Variants in CNTN5 observed in about 807,000 individuals in gnomAD.
The protein encoded by CNTN5 is contactin-5.
Under a neutral mutation model 129.1 loss-of-function variants are expected in CNTN5, and 77 were observed. The ratio of observed to expected loss-of-function variants is 0.60; its 90% CI spans 0.50 to 0.72. The LOEUF (loss-of-function observed/expected upper bound fraction) is 0.72, where lower values mean the gene tolerates loss of function less well. CNTN5 is among the 30% of genes least tolerant of loss of function. The pLI, the probability that CNTN5 is intolerant of heterozygous loss-of-function variation, is 0.00. For missense variants in CNTN5, 1,478 were observed against 1,328.8 expected (o/e 1.11, Z -1.75); for synonymous variants, 509 against 465.6 (o/e 1.09, Z -1.20).
At chr11:99,958,200 G>T (rs983749092) in intron 8 of CNTN5, among the ~76,000 whole-genome samples, 12 of 152,146 alleles carry the variant, frequency 7.9e-5, no homozygotes, top group African/African-American at 4.8e-5. Context: ...AAACTAATCC[G>T]CCAAGAGGCG....
At chr11:99,900,810 G>A (rs1949336855) in intron 6 of CNTN5, among the ~76,000 whole-genome samples, 1 of 152,064 alleles carries the variant, frequency 6.6e-6, no homozygotes, top group Non-Finnish European at 1.5e-5. Flanking sequence ...AGTGTTGTTA[G>A]CTAGTTGTTT....
At chr11:99,840,580 G>GT (rs1200621965) in intron 4 of CNTN5, among the ~76,000 whole-genome samples, 1 of 151,896 alleles carries the variant, frequency 6.6e-6, no homozygotes, top group East Asian at 1.9e-4. Context: ...CACTGACGTT[G>GT]TATGTTCAGC....
At chr11:100,316,931 G>T (rs1355177473) in intron 21 of CNTN5, among the ~76,000 whole-genome samples, 4 of 152,158 alleles carry the variant, frequency 2.6e-5, no homozygotes, top group Admixed American at 2.0e-4. Flanking sequence ...AAAACAGCTT[G>T]TCCCATTTTA....
At chr11:99,188,873 CT>C (rs1158393484) in intron 1 of CNTN5, among the ~76,000 whole-genome samples, 1 of 151,688 alleles carries the variant, frequency 6.6e-6, no homozygotes, top group Non-Finnish European at 1.5e-5. Flanking sequence ...GTTTTCTACT[CT>C]CTTAGGAATT....
chr11:99,310,751 A>G (rs1865076134), intron 1 of CNTN5, among the ~76,000 whole-genome samples: 1 of 152,154 alleles, frequency 6.6e-6, no homozygotes, highest in Admixed American at 6.6e-5. Context: ...TCTTAAATTA[A>G]TATAAATGAA....
chr11:99,740,083 G>T (rs1321509344), intron 3 of CNTN5, among the ~76,000 whole-genome samples: 1 of 152,064 alleles, frequency 6.6e-6, no homozygotes, highest in Non-Finnish European at 1.5e-5. Flanking sequence ...AGTATAATTA[G>T]TTCAGATTTA....
At chr11:99,112,526 G>A (rs535662029) in intron 1 of CNTN5, among the ~76,000 whole-genome samples, 6 of 152,010 alleles carry the variant, frequency 3.9e-5, no homozygotes, top group Non-Finnish European at 8.8e-5. Flanking sequence ...GATTGTGAAT[G>A]CACACGTTTC....
intron 2 of CNTN5, among the ~76,000 whole-genome samples, chr11:99,447,727 C>A (rs560487800): frequency 6.6e-6 from 1 of 152,250 alleles, no homozygotes; most frequent in East Asian, 1.9e-4. Flanking sequence ...GAGTTCGAGA[C>A]CAGCCTGGCC....
In CNTN5 at chr11:99,060,934, T is replaced by TC. The variant is rs199808823; in HGVS notation, c.-210+39665dup. ...TCCTGACTCATGTCTTCCCAATACC[T>TC]CACACAGTATTCCTACTATTCTAAT... On this transcript the variant is annotated intron_variant, in intron 1 of 24. Coordinates refer to ENST00000524871, the MANE Select transcript of CNTN5 (RefSeq NM_014361.4). Among the ~76,000 whole-genome samples, 1,299 of 152,224 alleles carry TC rather than the reference T, an allele frequency of 8.5e-3. 20 individuals are homozygous for TC. Among genetic ancestry groups the TC allele is most frequent in the African/African-American group, 0.03 (1,248 of 41,544 alleles).
rs1426162404 is a variant in CNTN5, at chr11:99,296,044, C to T, written c.-209-29302C>T. Among the ~76,000 whole-genome samples the T allele has an allele frequency of 5.3e-5, 8 of 152,178 alleles. No individual in the cohort carries two copies. In the East Asian group the frequency reaches 1.4e-3, roughly 26 times the overall value. ...AAAATTCTTCACAAATGAAAGTATA[C>T]CCTATAAGTGCACTTAATAGGCCCC... On this transcript the variant is annotated intron_variant, in intron 1 of 24. Transcript: ENST00000524871.
chr11:99,227,579 A>C (rs1041495048), intron 1 of CNTN5, among the ~76,000 whole-genome samples: 3 of 152,138 alleles, frequency 2.0e-5, no homozygotes, highest in Admixed American at 2.0e-4. Flanking sequence ...TTTCTGAACA[A>C]TTTTATATAC....
intron 9 of CNTN5, among the ~76,000 whole-genome samples, chr11:100,059,547 C>T (rs1397096633): frequency 6.6e-6 from 1 of 151,974 alleles, no homozygotes; most frequent in African/African-American, 2.4e-5. Flanking sequence ...CATAAGCAAA[C>T]ATTTCACAGA....
intron 3 of CNTN5, among the ~76,000 whole-genome samples, chr11:99,644,716 C>A (rs1354522649): frequency 6.6e-6 from 1 of 152,076 alleles, no homozygotes; most frequent in Admixed American, 6.5e-5. Flanking sequence ...AGCAACTGAG[C>A]AAAGCACTAC....
intron 1 of CNTN5, among the ~76,000 whole-genome samples, chr11:99,263,566 G>A (rs1219529596): frequency 1.3e-5 from 2 of 151,908 alleles, no homozygotes; most frequent in Non-Finnish European, 2.9e-5. Flanking sequence ...AGATAAAGTT[G>A]GTTCAAAATT....
chr11:99,664,715 A>G (rs1033663843), intron 3 of CNTN5, among the ~76,000 whole-genome samples: 4 of 152,204 alleles, frequency 2.6e-5, no homozygotes. Flanking sequence ...TATTTAGTCA[A>G]TGCCCAAATG....
At chr11:99,086,368 A>G (rs11218356) in intron 1 of CNTN5, among the ~76,000 whole-genome samples, 4,958 of 152,266 alleles carry the variant, frequency 0.033, 263 homozygotes, top group African/African-American at 0.11. Flanking sequence ...AAAGAGGTTT[A>G]ATTGGCTTAT....
intron 1 of CNTN5, among the ~76,000 whole-genome samples, chr11:99,099,749 A>T (rs1866635311): frequency 6.6e-6 from 1 of 152,156 alleles, no homozygotes; most frequent in Non-Finnish European, 1.5e-5. Context: ...GCCTTTCCTA[A>T]ATCATAAGGT....
chr11:99,889,185 A>G (rs1948980478), intron 6 of CNTN5, among the ~76,000 whole-genome samples: 1 of 152,156 alleles, frequency 6.6e-6, no homozygotes, highest in South Asian at 2.1e-4. Context: ...AAACATACAT[A>G]TATGGGCATT....
At chr11:99,437,290 G>T (rs1424155111) in intron 2 of CNTN5, among the ~76,000 whole-genome samples, 2 of 152,118 alleles carry the variant, frequency 1.3e-5, no homozygotes, top group Non-Finnish European at 2.9e-5. Flanking sequence ...ACTGGTATGA[G>T]AATTAAAAGT....
Sources: allele counts gnomAD v4.1 joint callset (sites outside exome capture counted in the v4.1 genomes callset), GRCh38; gene constraint gnomAD v4.1.1; transcripts MANE v1.5; gene names NCBI Gene and HGNC (gene_info 2026-07-23, HGNC 2026-07-21).